Variants in SHISA9 observed in about 807,000 individuals in gnomAD.
SHISA9 encodes shisa family member 9, also known as protein shisa-9.
A neutral mutation model predicts 38.0 loss-of-function variants in SHISA9; 13 were observed. The observed-to-expected ratio is 0.34, with a 90% CI of 0.22 to 0.54. The LOEUF is 0.54. Ranked by LOEUF, SHISA9 falls within the 20% of genes least tolerant of loss-of-function variation. The pLI, the probability that SHISA9 is intolerant of heterozygous loss-of-function variation, is 0.91. For synonymous variants in SHISA9, 275 were observed against 242.0 expected (o/e 1.14, Z -1.27); for missense variants, 538 against 575.8 (o/e 0.93, Z 0.67).
chr16:13,453,279 T>G, the SHISA9 span, among the ~76,000 whole-genome samples: 2 of 152,192 alleles, frequency 1.3e-5, no homozygotes, highest in African/African-American at 2.4e-5. Context: ...ATTGCAAACT[T>G]TGGGATCGAG....
chr16:13,397,073 A>T, the SHISA9 span, among the ~76,000 whole-genome samples: 4 of 152,208 alleles, frequency 2.6e-5, no homozygotes, highest in Non-Finnish European at 4.4e-5. Context: ...CAGTAAATGT[A>T]TTTACTCTTC....
At chr16:13,242,572 A>G (rs1411192485), downstream of SHISA9, among the ~76,000 whole-genome samples, 1 of 152,214 alleles carries the variant, frequency 6.6e-6, no homozygotes, top group East Asian at 1.9e-4. Context: ...GTTGTGTCCT[A>G]TAATGAAGAG....
At position 13,203,414 on chromosome 16, in the gene SHISA9, G is replaced by A. The variant is rs1422899589; in HGVS notation, c.712G>A (p.Ala238Thr). The A allele has an allele frequency of 9.7e-6, 15 of 1,541,850 alleles. No homozygotes were observed. The highest frequency in any genetic ancestry group is 9.6e-5 in the African/African-American group (7 of 72,578). ...NNLHATQMNN[A>T]VPTSPLLQQM... The stretch of plus-strand genomic sequence containing the variant: ...TCCAGATGCCACCCAGATGAACAAC[G>A]CAGTGCCCACCTCTCCTCTGCTCCA... Residue 238 changes from alanine (A) to threonine (T), a missense_variant, in exon 3 of 5, where the codon GCA becomes ACA. By Grantham distance (58) the Ala-to-Thr change is moderately conservative. Transcript: ENST00000558583.
At chr16:13,205,341 G>A (rs1027636981) in intron 3 of SHISA9, among the ~76,000 whole-genome samples, 6 of 152,106 alleles carry the variant, frequency 3.9e-5, no homozygotes, top group African/African-American at 1.4e-4. Context: ...TAATACATGG[G>A]GGAAATTCCT....
chr16:13,017,777 A>G (rs1480195424), intron 2 of SHISA9, among the ~76,000 whole-genome samples: 2 of 152,190 alleles, frequency 1.3e-5, no homozygotes, highest in Non-Finnish European at 2.9e-5. Flanking sequence ...CATATACTTC[A>G]TTGTGTGATA....
At position 13,141,402 on chromosome 16, in the gene SHISA9, A is replaced by G. The variant is rs1300257513; in HGVS notation, c.692-61992A>G. On this transcript the variant is annotated intron_variant, in intron 2 of 4. Coordinates refer to ENST00000558583, the MANE Select transcript of SHISA9 (RefSeq NM_001145204.3). ...TTTTTCATTTTTTATTATTAAAGAG[A>G]TGGGCTGGGTGCAGTGGCTCACACC... is the stretch of plus-strand genomic sequence containing the variant. Among the ~76,000 whole-genome samples, 5 of 152,100 alleles carry G rather than the reference A, an allele frequency of 3.3e-5. No individual in the cohort carries two copies. The East Asian group carries it at 7.8e-4, about 24-fold the overall frequency.
the SHISA9 span, among the ~76,000 whole-genome samples, chr16:13,303,653 C>T: frequency 2.0e-5 from 3 of 152,270 alleles, no homozygotes; most frequent in South Asian, 2.1e-4. Flanking sequence ...ATGATGAAAA[C>T]GTTTTAGAAC....
intron 2 of SHISA9, among the ~76,000 whole-genome samples, chr16:13,057,209 C>T (rs540838591): frequency 7.2e-5 from 11 of 152,182 alleles, no homozygotes; most frequent in Middle Eastern, 3.4e-3. Context: ...TCCAGGGAGC[C>T]GAACAATAGA....
intron 2 of SHISA9, among the ~76,000 whole-genome samples, chr16:12,968,342 A>T (rs2072009112): frequency 6.6e-6 from 1 of 152,108 alleles, no homozygotes; most frequent in Non-Finnish European, 1.5e-5. Context: ...GACTAGTATG[A>T]GAACCACTGA....
At chr16:13,087,842 T>A (rs141850741) in intron 2 of SHISA9, among the ~76,000 whole-genome samples, 3,201 of 152,154 alleles carry the variant, frequency 0.021, 49 homozygotes, top group Admixed American at 0.047. Context: ...CCCATTTGTC[T>A]ATTTTGGCTT....
chr16:13,235,411 C>T lies in SHISA9; in HGVS notation c.*2C>T. 1 of 1,534,292 alleles carries T rather than the reference C, an allele frequency of 6.5e-7. No homozygotes were observed. The highest frequency in any genetic ancestry group is 8.7e-7 in the Non-Finnish European group (1 of 1,144,816). ...AGCAAAACAGAAGTGACTGTCTGAG[C>T]TTTCACCACAGGGAGCACCCTGGAG... On this transcript the variant is annotated 3_prime_UTR_variant, in exon 5 of 5. Transcript: ENST00000558583.
chr16:13,263,279 G>T, the SHISA9 span, among the ~76,000 whole-genome samples: 81 of 152,206 alleles, frequency 5.3e-4, no homozygotes, highest in African/African-American at 1.9e-3. Context: ...ATATGGTTTG[G>T]GTCTGTGTCC....
chr16:13,208,477 T>C (rs554746816), intron 3 of SHISA9, among the ~76,000 whole-genome samples: 2 of 138,838 alleles, frequency 1.4e-5, no homozygotes, highest in South Asian at 4.7e-4. Flanking sequence ...GTTTGGCTCC[T>C]ATCACCCAGG....
chr16:13,461,623 A>ATTT, the SHISA9 span, among the ~76,000 whole-genome samples: 39 of 106,888 alleles, frequency 3.6e-4, no homozygotes, highest in Non-Finnish European at 4.1e-4. Context: ...TTTTTTTTTA[A>ATTT]TTTTTTTTTT....
the SHISA9 span, among the ~76,000 whole-genome samples, chr16:13,322,692 A>G: frequency 6.6e-6 from 1 of 152,194 alleles, no homozygotes; most frequent in East Asian, 1.9e-4. Context: ...TCGCATCCCC[A>G]TCCATCCTGG....
chr16:12,909,694 C>T (rs2071154313), intron 1 of SHISA9: 2 of 679,586 alleles, frequency 2.9e-6, no homozygotes, highest in African/African-American at 1.9e-5. Flanking sequence ...AGTTGCTTCC[C>T]ACCCCAGCCT....
chr16:13,098,186 T>G (rs1162165377), intron 2 of SHISA9, among the ~76,000 whole-genome samples: 1 of 152,174 alleles, frequency 6.6e-6, no homozygotes, highest in Non-Finnish European at 1.5e-5. Context: ...AATCCTGGGA[T>G]CAGATCCTGG....
At chr16:13,099,874 G>GA (rs2141956125) in intron 2 of SHISA9, among the ~76,000 whole-genome samples, 1 of 152,290 alleles carries the variant, frequency 6.6e-6, no homozygotes, top group South Asian at 2.1e-4. Flanking sequence ...AGGGGAGCTG[G>GA]AGAAAAATCC....
At chr16:13,166,467 T>C (rs2050636867) in intron 2 of SHISA9, among the ~76,000 whole-genome samples, 1 of 152,190 alleles carries the variant, frequency 6.6e-6, no homozygotes, top group South Asian at 2.1e-4. Context: ...TGGAGAGACT[T>C]TTCCTAGCCA....
Sources: gnomAD v4.1 joint callset for allele counts (sites outside exome capture counted in the v4.1 genomes callset) on GRCh38, gnomAD v4.1.1 for gene constraint, MANE v1.5 for transcripts, NCBI Gene and HGNC (gene_info 2026-07-23, HGNC 2026-07-21) for gene names.